ACAA1: variants seen among roughly 807,000 people sequenced by gnomAD.
ACAA1 encodes 3-ketoacyl-CoA thiolase, peroxisomal.
A neutral mutation model predicts 48.8 loss-of-function variants in ACAA1; 44 were observed. That is an observed-to-expected ratio of 0.90 (90% CI 0.71 to 1.16). ACAA1 has a LOEUF of 1.16. ACAA1 is among the 50% of genes most tolerant of loss of function. ACAA1 has a pLI of 0.00. For missense variants in ACAA1, 512 were observed against 562.3 expected, an observed-to-expected ratio of 0.91 and a Z score of 0.90; for synonymous variants, 233 against 226.5, an observed-to-expected ratio of 1.03 and a Z score of -0.26.
chr3:38,131,392 C>T (rs550146947), intron 5 of ACAA1, among the ~76,000 whole-genome samples: 1 of 152,314 alleles, frequency 6.6e-6, no homozygotes, highest in East Asian at 1.9e-4. Flanking sequence ...TTCCCCTCCC[C>T]TGCTAGTGCT....
chr3:38,135,738 G>A (rs1019238732), intron 2 of ACAA1, among the ~76,000 whole-genome samples: 1 of 152,006 alleles, frequency 6.6e-6, no homozygotes, highest in Non-Finnish European at 1.5e-5. Flanking sequence ...GGACAAGCAG[G>A]AGACAGATGC....
rs1352186543 is a variant in ACAA1 at position 38,129,322 on chromosome 3, C to T, written c.513G>A (p.Lys171=). The T allele has an allele frequency of 3.7e-6, 6 of 1,614,164 alleles. No individual in the cohort carries two copies. In the African/African-American group the frequency reaches 5.3e-5, roughly 14 times the overall value. The part of the protein sequence containing the change: ...PGNITSRLME[K]EKARDCLIPM... Reference sequence around the variant, plus strand: ...GAATCAGGCAATCTCTGGCCTTCTCCTTCTCCATCAAGCGCGAAGTAATAT... The same window carrying T: ...GAATCAGGCAATCTCTGGCCTTCTCTTTCTCCATCAAGCGCGAAGTAATAT... The change falls in exon 6 of 12, where the codon AAG becomes AAA. Residue 171 remains lysine (K), a synonymous_variant. Transcript: ENST00000333167. This position sits in a 1 kb window ranked among gnomAD's most constrained non-coding sequence, Gnocchi z 5.3.
rs1700695543 is a variant in ACAA1 at position 38,126,977 on chromosome 3, A to G, written c.627-277T>C. On this transcript the variant is annotated intron_variant, in intron 7 of 11. Transcript: ENST00000333167. The surrounding 1 kb of genome is among the most constrained non-coding windows in gnomAD (Gnocchi z 4.7). Reference sequence around the variant, plus strand: ...AGAGCCCTTTGTCCAAGAGGGATTAAGCCTGCTTGATTCTCTCTGCTAAAC... The same window carrying G: ...AGAGCCCTTTGTCCAAGAGGGATTAGGCCTGCTTGATTCTCTCTGCTAAAC... 6.6e-6 allele frequency among the ~76,000 whole-genome samples: 1 copy of G among 152,214 alleles called. No individual in the cohort carries two copies. Among genetic ancestry groups the G allele is most frequent in the African/African-American group, 2.4e-5 (1 of 41,450 alleles).
intron 2 of ACAA1, among the ~76,000 whole-genome samples, chr3:38,136,224 G>A (rs1047346141): frequency 6.6e-5 from 10 of 152,158 alleles, no homozygotes; most frequent in African/African-American, 2.2e-4. Context: ...AGATCAAAAT[G>A]GAGTTTCTTC....
At chr3:38,127,727 G>A in intron 7 of ACAA1, 59 bp downstream of exon 7, 1 of 1,563,648 alleles carries the variant, frequency 6.4e-7, no homozygotes, top group Non-Finnish European at 8.8e-7. Flanking sequence ...AGACCACTTA[G>A]ATAGACTCAA....
Position 38,131,609 on chromosome 3 carries a change from C to CAATGGT in ACAA1, c.432_433insACCATT (p.Ile144_Gly145insThrIle). ...AAAAATTCTTACCCACAGGCCATGC[C>CAATGGT]AATGTCATAAGACCCATTTCTGATG... On this transcript the variant is annotated inframe_insertion, in exon 5 of 12. Transcript: ENST00000333167. 1 of 1,614,204 alleles carries CAATGGT rather than the reference C, an allele frequency of 6.2e-7. No homozygotes were observed. Among genetic ancestry groups the CAATGGT allele is most frequent in the Non-Finnish European group, 8.5e-7 (1 of 1,180,032 alleles).
Position 38,126,230 on chromosome 3 carries a change from A to C in ACAA1, c.929T>G (p.Val310Gly). 6.2e-7 allele frequency: 1 copy of C among 1,614,134 alleles called. No individual in the cohort carries two copies. The highest frequency in any genetic ancestry group is 2.2e-5 in the East Asian group (1 of 44,886). ...GCCCATGATGTCAGGTGGGACCCCA[A>C]CCACTGCATAAGACCTCAGGACCCC... ...ILGVLRSYAVVGVPPDIMGIG... is the reference protein window; with the variant it reads ...ILGVLRSYAVGGVPPDIMGIG... Residue 310 changes from valine (V) to glycine (G), a missense_variant, in exon 9 of 12, where the codon GTT becomes GGT. Physicochemically the swap from Val to Gly is moderately radical, Grantham distance 109. Coordinates refer to ENST00000333167, the MANE Select transcript of ACAA1 (RefSeq NM_001607.4). The surrounding 1 kb of genome is among the most constrained non-coding windows in gnomAD (Gnocchi z 4.7).
chr3:38,127,496 A>G (rs967021990), intron 7 of ACAA1: 8 of 470,446 alleles, frequency 1.7e-5, no homozygotes, highest in African/African-American at 1.6e-4. Context: ...CCCACACTCC[A>G]GGCTACAATG....
At chr3:38,125,122 A>G (rs1700648230) in intron 11 of ACAA1, 1 of 153,670 alleles carries the variant, frequency 6.5e-6, no homozygotes, top group Non-Finnish European at 1.4e-5. Flanking sequence ...GTTGCATCAT[A>G]TTAGTTACAT....
At position 38,136,888 on chromosome 3, in the gene ACAA1, GGCAGATGGCC is replaced by G. The variant is rs779326089; in HGVS notation, c.138_147del (p.Ala47GlyfsTer20). On this transcript the variant is annotated frameshift_variant, in exon 1 of 12. Coordinates refer to ENST00000333167, the MANE Select transcript of ACAA1 (RefSeq NM_001607.4). LOFTEE classifies it high-confidence loss of function. ...ACCTTGAAGCCGCCGCGGCCCGCCC[GGCAGATGGCC>G]GTGCGCCGCCCGTGCACCACCACCA... 1.3e-6 allele frequency: 2 copies of G among 1,527,860 alleles called. No homozygotes were observed. 94.6% of individuals were successfully genotyped at this position (1,527,860 alleles called of 1,614,324 possible).
chr3:38,131,714 CT>C, intron 4 of ACAA1, 76 bp from the exon 5 acceptor site: 2 of 1,525,198 alleles, frequency 1.3e-6, no homozygotes, highest in Non-Finnish European at 1.8e-6. Context: ...TCTTCCCCAC[CT>C]GGTCTCTAGA....
chr3:38,133,647 T>G (rs1331578437), intron 3 of ACAA1: 3 of 401,888 alleles, frequency 7.5e-6, no homozygotes, highest in Non-Finnish European at 1.4e-5. Context: ...GCATTCTTAC[T>G]TGATTACTCA....
In ACAA1 at chr3:38,126,369, GC is replaced by G; in HGVS notation, c.818-29del. On this transcript the variant is annotated intron_variant, in intron 8 of 11. Transcript: ENST00000333167. This position sits in a 1 kb window ranked among gnomAD's most constrained non-coding sequence, Gnocchi z 4.7. ...AGGGGCAAACTGTTGGGGTAAGAAG[GC>G]ATCGGGGTGGGGATGAGGAGATCCC... The G allele has an allele frequency of 6.2e-7, 1 of 1,609,768 alleles. No homozygotes were observed. The highest frequency in any genetic ancestry group is 8.5e-7 in the Non-Finnish European group (1 of 1,177,434).
intron 5 of ACAA1, among the ~76,000 whole-genome samples, chr3:38,130,227 G>C (rs574234914): frequency 6.6e-6 from 1 of 152,336 alleles, no homozygotes; most frequent in Admixed American, 6.5e-5. Flanking sequence ...AGATAACCTT[G>C]ACTGAGTGCT....
At chr3:38,125,510 G>C in intron 11 of ACAA1, 55 bp downstream of exon 11, 1 of 1,507,120 alleles carries the variant, frequency 6.6e-7, no homozygotes, top group Non-Finnish European at 8.9e-7. Flanking sequence ...CTGCCCTTCA[G>C]GTGCCCTAAC....
In ACAA1 at chr3:38,136,882, C is replaced by A. The variant is rs1428123307; in HGVS notation, c.154G>T (p.Gly52Cys). 7.9e-6 allele frequency: 12 copies of A among 1,526,556 alleles called. No individual in the cohort carries two copies. In the South Asian group the frequency reaches 1.4e-4, roughly 18 times the overall value. 94.6% of individuals were successfully genotyped at this position (1,526,556 alleles called of 1,614,324 possible). ...GGCCTCACCTTGAAGCCGCCGCGGC[C>A]CGCCCGGCAGATGGCCGTGCGCCGC... ...HGRRTAICRA[G>C]RGGFKDTTPD... Residue 52 changes from glycine (G) to cysteine (C), a missense_variant, in exon 1 of 12, where the codon GGC becomes TGC. By Grantham distance (159) the Gly-to-Cys change is radical (BLOSUM62 -3). Coordinates refer to ENST00000333167, the MANE Select transcript of ACAA1 (RefSeq NM_001607.4).
intron 2 of ACAA1, chr3:38,134,645 A>C: frequency 7.2e-6 from 3 of 416,914 alleles, no homozygotes; most frequent in South Asian, 5.3e-5. Context: ...GCTATATTGA[A>C]TCAAGGTTTA....
At position 38,124,618 on chromosome 3, in the gene ACAA1, C is replaced by T. The variant is rs1433057936; in HGVS notation, c.1199+947G>A. Reference sequence around the variant, plus strand: ...TAAGACCCTGTCTCAACAAACCAACCTGTGATGGGTCACCACTGCACAAGT... The same window carrying T: ...TAAGACCCTGTCTCAACAAACCAACTTGTGATGGGTCACCACTGCACAAGT... On this transcript the variant is annotated intron_variant, in intron 11 of 11. Transcript: ENST00000333167. The T allele has an allele frequency of 2.0e-5, 3 of 152,202 alleles. No individual in the cohort carries two copies. In the South Asian group the frequency reaches 6.2e-4, roughly 31 times the overall value. The allele number at this position is 152,202 out of a possible 1,614,324, so 9.4% of individuals were successfully genotyped here.
rs1700689437 is a variant in ACAA1, at chr3:38,126,660, T to C, written c.667A>G (p.Ile223Val). The C allele has an allele frequency of 1.9e-6, 3 of 1,614,100 alleles. No homozygotes were observed. The East Asian group carries it at 6.7e-5, about 36-fold the overall frequency. The stretch of plus-strand genomic sequence containing the variant: ...TGGACCGTGGTGGTCACAGGCACAA[T>C]CTCAGCTTGGAAACAGCCCTTGCTC... ...AQSKGCFQAE[I>V]VPVTTTVHDD... Residue 223 changes from isoleucine (I) to valine (V), a missense_variant, in exon 8 of 12, where the codon ATT becomes GTT. Physicochemically the swap from Ile to Val is conservative, Grantham distance 29. Coordinates refer to ENST00000333167, the MANE Select transcript of ACAA1 (RefSeq NM_001607.4). This position sits in a 1 kb window ranked among gnomAD's most constrained non-coding sequence, Gnocchi z 4.7.
Sources: allele counts gnomAD v4.1 joint callset (sites outside exome capture counted in the v4.1 genomes callset), GRCh38; gene constraint gnomAD v4.1.1; non-coding constraint Gnocchi (gnomAD v3.1); transcripts MANE v1.5; gene names NCBI Gene and HGNC (gene_info 2026-07-23, HGNC 2026-07-21).